Variants in SPCS2 observed in about 807,000 individuals in gnomAD.
The protein encoded by SPCS2 is signal peptidase complex subunit 2.
In SPCS2, 3 loss-of-function variants were observed where a neutral mutation model predicts 22.3. That is an observed-to-expected ratio of 0.13 (90% CI 0.06 to 0.35). The LOEUF (loss-of-function observed/expected upper bound fraction) is 0.35. SPCS2 is among the 10% of genes least tolerant of loss of function. The pLI is 1.00. For synonymous variants in SPCS2, 67 were observed against 97.2 expected (o/e 0.69, Z 1.83); for missense variants, 169 against 280.9 (o/e 0.60, Z 2.85).
intron 1 of SPCS2, chr11:74,963,652 C>T (rs1295068662): frequency 2.3e-6 from 1 of 430,176 alleles, no homozygotes; most frequent in Non-Finnish European, 4.7e-6. Flanking sequence ...TCAAGCTGTT[C>T]TGCCACCTCA....
chr11:74,976,343 A>T (rs1164965436), intron 4 of SPCS2, among the ~76,000 whole-genome samples: 1 of 152,248 alleles, frequency 6.6e-6, no homozygotes, highest in Non-Finnish European at 1.5e-5. Context: ...TGATACCATA[A>T]GAGCCTATTA....
At chr11:74,963,295 C>T (rs1055823307) in intron 1 of SPCS2, among the ~76,000 whole-genome samples, 10 of 151,756 alleles carry the variant, frequency 6.6e-5, no homozygotes, top group African/African-American at 2.4e-4. Flanking sequence ...GTAATTTTCT[C>T]AAAGAAAAAT....
intron 4 of SPCS2, among the ~76,000 whole-genome samples, chr11:74,971,475 T>G (rs1591741724): frequency 6.6e-6 from 1 of 152,046 alleles, no homozygotes; most frequent in South Asian, 2.1e-4. Flanking sequence ...TGTACAAGGG[T>G]TCTGATTTTT....
At chr11:74,951,408 G>A (rs1948444000) in intron 1 of SPCS2, among the ~76,000 whole-genome samples, 1 of 152,124 alleles carries the variant, frequency 6.6e-6, no homozygotes. Context: ...TAGGAGATGG[G>A]GTAATTGAAT....
chr11:74,957,233 T>A (rs1466813649), intron 1 of SPCS2, among the ~76,000 whole-genome samples: 1 of 152,188 alleles, frequency 6.6e-6, no homozygotes. Flanking sequence ...TTAAAAATAT[T>A]ATTTTTTTCT....
rs538421526 is a variant in SPCS2, at chr11:74,951,270, TG to T, written c.114+1874del. Among the ~76,000 whole-genome samples, 121 of 152,238 alleles carry T rather than the reference TG, an allele frequency of 7.9e-4. 1 individual carries two copies. In the South Asian group the frequency reaches 0.019, roughly 24 times the overall value. ...CTCTGGCACCTAGATCACAGGGTTT[TG>T]GGAAGAACCAAGTAAGACAGTACAC... On this transcript the variant is annotated intron_variant, in intron 1 of 4. Transcript: ENST00000263672.
Position 74,949,391 on chromosome 11 carries a change from T to C in SPCS2, c.106T>C (p.Leu36=). Residue 36 remains leucine (L), a synonymous_variant, in exon 1 of 5, where the codon TTG becomes CTG. Coordinates refer to ENST00000263672, the MANE Select transcript of SPCS2 (RefSeq NM_014752.3). ...GACAGGAAGTGGCCGTAGCGGCTTG[T>C]TGGATAAGGTGAGGAGCCGGTTCTT... ...CGTGSGRSGL[L]DKWKIDDKPV... The C allele has an allele frequency of 6.4e-7, 1 of 1,551,264 alleles. No homozygotes were observed.
At chr11:74,949,441 C>T in intron 1 of SPCS2, 42 bp downstream of exon 1, 2 of 1,523,334 alleles carry the variant, frequency 1.3e-6, no homozygotes, top group African/African-American at 1.4e-5. Context: ...CCTGGGGAGG[C>T]CTGGGAGGCG....
intron 4 of SPCS2, among the ~76,000 whole-genome samples, chr11:74,972,878 T>A (rs567815701): frequency 4.2e-5 from 6 of 141,534 alleles, no homozygotes; most frequent in Admixed American, 2.2e-4. Context: ...TATTAATGTT[T>A]TATATATATA....
At chr11:74,972,537 C>G (rs1948590853) in intron 4 of SPCS2, among the ~76,000 whole-genome samples, 1 of 152,168 alleles carries the variant, frequency 6.6e-6, no homozygotes, top group African/African-American at 2.4e-5. Flanking sequence ...TTCTCACTCA[C>G]CCCTTGGTAA....
intron 1 of SPCS2, among the ~76,000 whole-genome samples, chr11:74,961,505 G>A (rs1186434461): frequency 6.6e-6 from 1 of 151,896 alleles, no homozygotes; most frequent in Non-Finnish European, 1.5e-5. Flanking sequence ...TCTAAATCCA[G>A]TCAGCTTGTT....
At chr11:74,962,996 A>G (rs1189559901) in intron 1 of SPCS2, among the ~76,000 whole-genome samples, 7 of 152,236 alleles carry the variant, frequency 4.6e-5, no homozygotes, top group Non-Finnish European at 7.3e-5. Context: ...AAGTGTGGCT[A>G]GGTGTCTGAG....
Position 74,977,097 on chromosome 11 carries a change from G to A in SPCS2, c.*54G>A, listed in dbSNP as rs866943388. 932 of 1,180,676 alleles carry A rather than the reference G, an allele frequency of 7.9e-4. No individual in the cohort carries two copies. The highest frequency in any genetic ancestry group is 1.0e-3 in the Non-Finnish European group (878 of 861,050). The allele number at this position is 1,180,676 out of a possible 1,614,324, so 73.1% of individuals were successfully genotyped here. On this transcript the variant is annotated 3_prime_UTR_variant, in exon 5 of 5. Coordinates refer to ENST00000263672, the MANE Select transcript of SPCS2 (RefSeq NM_014752.3). ...TGGATCTTGCTGAATTAGTGGCTTG[G>A]GGGGTGGGGGAGATAAAAAGAACTT...
Position 74,977,185 on chromosome 11 carries a change from T to A in SPCS2, c.*142T>A. 7.4e-7 allele frequency: 1 copy of A among 1,356,586 alleles called. No individual in the cohort carries two copies. The highest frequency in any genetic ancestry group is 9.7e-7 in the Non-Finnish European group (1 of 1,031,114). The allele number at this position is 1,356,586 out of a possible 1,614,324, so 84.0% of individuals were successfully genotyped here. On this transcript the variant is annotated 3_prime_UTR_variant, in exon 5 of 5. Coordinates refer to ENST00000263672, the MANE Select transcript of SPCS2 (RefSeq NM_014752.3). ...TTTGTCCTGAAATTTTAGTCTATTCTGGGTAAATAGGATTTTCTGACACAG... is the reference window on the plus strand; with the variant it reads ...TTTGTCCTGAAATTTTAGTCTATTCAGGGTAAATAGGATTTTCTGACACAG...
intron 3 of SPCS2, among the ~76,000 whole-genome samples, chr11:74,967,777 AAAAT>A: frequency 1.3e-5 from 2 of 152,106 alleles, no homozygotes; most frequent in Non-Finnish European, 2.9e-5. Flanking sequence ...GATAAAATAA[AAAAT>A]AAATTAGCTG....
chr11:74,965,714 C>A, intron 2 of SPCS2, 49 bp from the exon 3 acceptor site: 3 of 1,475,848 alleles, frequency 2.0e-6, no homozygotes, highest in Non-Finnish European at 2.8e-6. Flanking sequence ...AAAGCACATA[C>A]TGGGGAGGAA....
At chr11:74,950,295 A>G (rs74807240) in intron 1 of SPCS2, among the ~76,000 whole-genome samples, 3,222 of 152,252 alleles carry the variant, frequency 0.021, 131 homozygotes, top group African/African-American at 0.073. Context: ...TAGCCTTAAA[A>G]TGAGGGACTT....
intron 3 of SPCS2, among the ~76,000 whole-genome samples, chr11:74,969,244 A>G (rs764810753): frequency 1.2e-4 from 19 of 152,218 alleles, no homozygotes; most frequent in Non-Finnish European, 1.9e-4. Flanking sequence ...AATAAGCACT[A>G]TTATAACAAA....
intron 4 of SPCS2, among the ~76,000 whole-genome samples, chr11:74,970,558 G>C (rs983350563): frequency 6.6e-6 from 1 of 152,126 alleles, no homozygotes; most frequent in Non-Finnish European, 1.5e-5. Flanking sequence ...CATAATAGCC[G>C]CACAAATTAT....
Sources: gnomAD v4.1 joint callset for allele counts (sites outside exome capture counted in the v4.1 genomes callset) on GRCh38, gnomAD v4.1.1 for gene constraint, MANE v1.5 for transcripts, NCBI Gene and HGNC (gene_info 2026-07-23, HGNC 2026-07-21) for gene names.